The following LOC128462377 variants were observed in gnomAD, a reference collection of about 807,000 sequenced individuals.
chr16:89,354,366 A>G, the LOC128462377 span, among the ~76,000 whole-genome samples: 21 of 152,230 alleles, frequency 1.4e-4, no homozygotes, highest in Non-Finnish European at 2.2e-4. Flanking sequence ...TTTTACTAAC[A>G]TTAGACAAAT....
the LOC128462377 span, among the ~76,000 whole-genome samples, chr16:89,402,169 G>C: frequency 6.6e-6 from 1 of 152,168 alleles, no homozygotes; most frequent in Non-Finnish European, 1.5e-5. Flanking sequence ...AGAGTAAGGA[G>C]GACGACCTAC....
chr16:89,323,191 A>C, the LOC128462377 span: 1 of 685,904 alleles, frequency 1.5e-6, no homozygotes, highest in Non-Finnish European at 2.2e-6. Context: ...CACACCTCAC[A>C]GGGAGAGAAG....
At chr16:89,333,032 T>C in the LOC128462377 span, among the ~76,000 whole-genome samples, 1 of 152,136 alleles carries the variant, frequency 6.6e-6, no homozygotes. Context: ...TCCCCCAGAG[T>C]GACAGGGAAC....
the LOC128462377 span, among the ~76,000 whole-genome samples, chr16:89,397,886 C>G: frequency 2.6e-5 from 4 of 152,252 alleles, no homozygotes; most frequent in Non-Finnish European, 4.4e-5. Context: ...GGGCATGGGA[C>G]TCTCCATCCC....
the LOC128462377 span, among the ~76,000 whole-genome samples, chr16:89,372,039 C>T: frequency 1.1e-4 from 17 of 152,314 alleles, no homozygotes; most frequent in African/African-American, 3.6e-4. Flanking sequence ...CAGGACTGAG[C>T]ACTCACACTG....
the LOC128462377 span, among the ~76,000 whole-genome samples, chr16:89,353,713 C>T: frequency 6.6e-6 from 1 of 152,200 alleles, no homozygotes; most frequent in African/African-American, 2.4e-5. Flanking sequence ...CTCCTGACCT[C>T]AGCTGATCCG....
At chr16:89,391,611 T>C in the LOC128462377 span, among the ~76,000 whole-genome samples, 1 of 152,104 alleles carries the variant, frequency 6.6e-6, no homozygotes, top group Non-Finnish European at 1.5e-5. Flanking sequence ...AGCTTAGAAA[T>C]ACATGAAGTC....
the LOC128462377 span, among the ~76,000 whole-genome samples, chr16:89,394,740 C>G: frequency 1.3e-5 from 2 of 152,094 alleles, no homozygotes; most frequent in Admixed American, 6.6e-5. Flanking sequence ...TGTTTTATGA[C>G]AAAGGCTCCA....
chr16:89,333,786 T>C, the LOC128462377 span, among the ~76,000 whole-genome samples: 2 of 152,208 alleles, frequency 1.3e-5, no homozygotes, highest in African/African-American at 4.8e-5. Context: ...AAAGCCATTT[T>C]GTGAAAGTGA....
the LOC128462377 span, among the ~76,000 whole-genome samples, chr16:89,370,420 G>A: frequency 1.3e-5 from 2 of 152,146 alleles, no homozygotes; most frequent in African/African-American, 4.8e-5. Context: ...AGGATCCTGA[G>A]CCCTCCTGCC....
the LOC128462377 span, among the ~76,000 whole-genome samples, chr16:89,356,538 G>A: frequency 9.9e-5 from 15 of 151,592 alleles, no homozygotes; most frequent in East Asian, 1.9e-4. Context: ...TTGGGAGGCC[G>A]AGGCGGGCGG....
chr16:89,337,007 CAAAAAAAAAAAAA>C, the LOC128462377 span, among the ~76,000 whole-genome samples: 2,695 of 47,848 alleles, frequency 0.056, 75 homozygotes, highest in Middle Eastern at 0.19. Context: ...CTGGCTCTAC[CAAAAAAAAAAAAA>C]AAAAAAAAAA....
the LOC128462377 span, among the ~76,000 whole-genome samples, chr16:89,339,447 G>T: frequency 6.6e-6 from 1 of 151,922 alleles, no homozygotes; most frequent in Non-Finnish European, 1.5e-5. Flanking sequence ...AAAGCCCCAT[G>T]GTCCGAGGAG....
At chr16:89,332,847 C>T in the LOC128462377 span, among the ~76,000 whole-genome samples, 1 of 152,210 alleles carries the variant, frequency 6.6e-6, no homozygotes, top group East Asian at 1.9e-4. Context: ...CCATTTCTTT[C>T]CTTTATGCTC....
At chr16:89,353,877 G>A in the LOC128462377 span, among the ~76,000 whole-genome samples, 1 of 152,214 alleles carries the variant, frequency 6.6e-6, no homozygotes, top group Admixed American at 6.5e-5. Flanking sequence ...ACAAGACAGA[G>A]CAGCCTCTGC....
the LOC128462377 span, among the ~76,000 whole-genome samples, chr16:89,334,172 A>AAAAAAAAAAAAG: frequency 6.7e-6 from 1 of 148,974 alleles, no homozygotes; most frequent in African/African-American, 2.5e-5. Context: ...AAAAAAAAAA[A>AAAAAAAAAAAAG]ACAGAGAGAG....
At chr16:89,368,384 T>G in the LOC128462377 span, among the ~76,000 whole-genome samples, 82 of 132,904 alleles carry the variant, frequency 6.2e-4, no homozygotes, top group African/African-American at 2.3e-3. Flanking sequence ...TTTTTTTTTT[T>G]TTTTTTTTTT....
the LOC128462377 span, among the ~76,000 whole-genome samples, chr16:89,397,298 C>G: frequency 6.6e-6 from 1 of 152,228 alleles, no homozygotes; most frequent in African/African-American, 2.4e-5. Context: ...CCCCTCAGGG[C>G]AAGGCCTCTC....
chr16:89,416,764 T>C, the LOC128462377 span, among the ~76,000 whole-genome samples: 1 of 143,568 alleles, frequency 7.0e-6, no homozygotes, highest in South Asian at 2.2e-4. Context: ...ACTCTGTTTC[T>C]ACAAAAAAAA....
Sources: gnomAD v4.1 joint callset for allele counts (sites outside exome capture counted in the v4.1 genomes callset) on GRCh38, gnomAD v4.1.1 for gene constraint, MANE v1.5 for transcripts.